The following RHOBTB2 variants were observed in gnomAD, a reference collection of about 807,000 sequenced individuals.
RHOBTB2 encodes the protein rho-related BTB domain-containing protein 2.
RHOBTB2 carries 39 observed loss-of-function variants against 66.5 expected under a neutral mutation model. The observed-to-expected ratio is 0.59, with a 90% CI of 0.45 to 0.77. The LOEUF is 0.77. Among genes scored for constraint, RHOBTB2 ranks in the 30% least tolerant of loss-of-function variants. The pLI, the probability that RHOBTB2 is intolerant of heterozygous loss-of-function variation, is 0.00. For synonymous variants in RHOBTB2, 390 were observed against 395.0 expected (o/e 0.99, Z 0.15); for missense variants, 755 against 999.1 (o/e 0.76, Z 3.29).
Position 23,010,508 on chromosome 8 carries a change from T to C in RHOBTB2, c.1621-30T>C, listed in dbSNP as rs768532154. 7 of 1,601,410 alleles carry C rather than the reference T, an allele frequency of 4.4e-6. No homozygotes were observed. In the South Asian group the frequency reaches 5.6e-5, roughly 13 times the overall value. On this transcript the variant is annotated intron_variant, in intron 6 of 9. Transcript: ENST00000251822. ...TCATCTTCTCCTAAGCAGGATCTCA[T>C]TGCTGTCCGCTCACTCCTTCCCTCC...
At position 23,014,708 on chromosome 8, in the gene RHOBTB2, G is replaced by C. The variant is rs61754072; in HGVS notation, c.1790G>C (p.Gly597Ala). Residue 597 changes from glycine (G) to alanine (A), a missense_variant, in exon 8 of 10, where the codon GGG becomes GCG. Physicochemically the swap from Gly to Ala is moderately conservative, Grantham distance 60. Transcript: ENST00000251822. ...GTTACAGAGCAGTACACAGTGACCG[G>C]GCTGATGGAAGCGACCCAGATGATG... ...VALTEQYTVT[G>A]LMEATQMMVD... 51 of 1,614,006 alleles carry C rather than the reference G, an allele frequency of 3.2e-5. No individual in the cohort carries two copies. The Admixed American group carries it at 4.0e-4, about 13-fold the overall frequency.
At chr8:22,953,978 G>C in the RHOBTB2 span, among the ~76,000 whole-genome samples, 2 of 152,236 alleles carry the variant, frequency 1.3e-5, no homozygotes, top group African/African-American at 2.4e-5. Flanking sequence ...CTATTGTCAT[G>C]TAGGAAGAGC....
the RHOBTB2 span, among the ~76,000 whole-genome samples, chr8:22,971,288 G>A: frequency 6.6e-6 from 1 of 151,926 alleles, no homozygotes; most frequent in Non-Finnish European, 1.5e-5. Context: ...GGGCTCAAGC[G>A]ATTCTCCTAC....
chr8:22,999,558 A>T lies in RHOBTB2; in HGVS notation c.-558A>T. The T allele has an allele frequency of 1.7e-6, 2 of 1,189,042 alleles. No homozygotes were observed. The highest frequency in any genetic ancestry group is 3.0e-5 in the South Asian group (2 of 67,220). 73.7% of individuals were successfully genotyped at this position (1,189,042 alleles called of 1,614,324 possible). A position where few individuals can be genotyped will look rare whatever the true frequency, so the allele number is the denominator to read the frequency against. On this transcript the variant is annotated 5_prime_UTR_variant, in exon 1 of 10. Coordinates refer to ENST00000251822, the MANE Select transcript of RHOBTB2 (RefSeq NM_015178.3). ...CGCGCGGCAGTGGGCGGGGCCCGTC[A>T]CGGCTGTCGTCTTGGGTGCGATTTT...
chr8:22,971,711 G>A, the RHOBTB2 span, among the ~76,000 whole-genome samples: 1 of 152,088 alleles, frequency 6.6e-6, no homozygotes, highest in Non-Finnish European at 1.5e-5. Context: ...GTGTATCTGG[G>A]CCTTTCTGGT....
the RHOBTB2 span, among the ~76,000 whole-genome samples, chr8:22,959,663 C>T: frequency 2.0e-5 from 3 of 152,074 alleles, no homozygotes; most frequent in Admixed American, 1.3e-4. Context: ...CCTAGTTATC[C>T]GCATACTTTT....
Position 23,010,569 on chromosome 8 carries a change from T to G in RHOBTB2, c.1652T>G (p.Met551Arg), listed in dbSNP as rs778715345. Reference sequence around the variant, plus strand: ...TTTCCCTACACAAGCAAGAGCTGCATGCGGGCCGTGCTGGAATACCTCTAC... The same window carrying G: ...TTTCCCTACACAAGCAAGAGCTGCAGGCGGGCCGTGCTGGAATACCTCTAC... ...VVFPYTSKSC[M>R]RAVLEYLYTG... is the part of the protein sequence containing the mutation. Residue 551 changes from methionine to arginine, a missense_variant, in exon 7 of 10, where the codon ATG (methionine) becomes AGG (arginine). This residue lies in a region of RHOBTB2 where 353 missense variants were observed against 458.2 expected (regional missense o/e 0.77). Transcript: ENST00000251822. 2 of 1,614,076 alleles carry G rather than the reference T, an allele frequency of 1.2e-6. No individual in the cohort carries two copies. The highest frequency in any genetic ancestry group is 1.7e-6 in the Non-Finnish European group (2 of 1,179,974).
chr8:22,966,105 C>A, the RHOBTB2 span, among the ~76,000 whole-genome samples: 1 of 152,016 alleles, frequency 6.6e-6, no homozygotes, highest in Admixed American at 6.6e-5. Flanking sequence ...AATCCCAGCA[C>A]TTTGGGAGGC....
In RHOBTB2 at chr8:23,004,448, T is replaced by C; in HGVS notation, c.14T>C (p.Met5Thr). ...AGGTCCCGTTTAATGGATTCTGACATGGATTATGAAAGGCCAAACGTAGAG... is the reference window on the plus strand; with the variant it reads ...AGGTCCCGTTTAATGGATTCTGACACGGATTATGAAAGGCCAAACGTAGAG... MDSD[M>T]DYERPNVETI... Residue 5 changes from methionine (M) to threonine (T), a missense_variant, in exon 2 of 10, where the codon ATG becomes ACG. Around this residue, in one of 7 missense-constraint regions of RHOBTB2, gnomAD observed 65 missense variants for 152.4 expected, o/e 0.43. Transcript: ENST00000251822. The surrounding 1 kb of genome is among the most constrained non-coding windows in gnomAD (Gnocchi z 6.4). The C allele has an allele frequency of 1.2e-6, 2 of 1,614,090 alleles. No homozygotes were observed. Among genetic ancestry groups the C allele is most frequent in the Non-Finnish European group, 1.7e-6 (2 of 1,179,972 alleles).
At chr8:22,956,508 C>T in the RHOBTB2 span, among the ~76,000 whole-genome samples, 1 of 152,266 alleles carries the variant, frequency 6.6e-6, no homozygotes. Context: ...TGCTCACTCC[C>T]CCTTTGCCTT....
At chr8:22,983,150 T>C (rs1309877143), upstream of RHOBTB2, among the ~76,000 whole-genome samples, 1 of 152,150 alleles carries the variant, frequency 6.6e-6, no homozygotes, top group Non-Finnish European at 1.5e-5. Context: ...CCCCAATTAC[T>C]GACACAGGCA....
upstream of RHOBTB2, chr8:22,994,759 T>TA (rs113801401): frequency 1.5e-3 from 1,022 of 690,136 alleles, 4 homozygotes; most frequent in African/African-American, 4.6e-3. Flanking sequence ...TAGACCAACA[T>TA]AAAAAAAAAT....
intron 2 of RHOBTB2, among the ~76,000 whole-genome samples, chr8:22,993,993 C>T (rs1472681699): frequency 6.6e-6 from 1 of 152,240 alleles, no homozygotes; most frequent in Non-Finnish European, 1.5e-5. Flanking sequence ...AATACCTCCT[C>T]CTTCCATTCT....
At chr8:22,979,526 A>T in the RHOBTB2 span, among the ~76,000 whole-genome samples, 2,510 of 152,048 alleles carry the variant, frequency 0.017, 38 homozygotes, top group Non-Finnish European at 0.028. Flanking sequence ...TGGATACGCC[A>T]TTATTTATTG....
chr8:22,985,804 C>T (rs528141888), upstream of RHOBTB2, among the ~76,000 whole-genome samples: 1 of 152,330 alleles, frequency 6.6e-6, no homozygotes, highest in East Asian at 1.9e-4. Context: ...AGCCGTTCCT[C>T]TGCCTGGAGT....
At chr8:22,971,363 T>A in the RHOBTB2 span, among the ~76,000 whole-genome samples, 1 of 143,716 alleles carries the variant, frequency 7.0e-6, no homozygotes. Context: ...TTTTTTTTTT[T>A]AAGTAGAGGT....
Position 23,017,119 on chromosome 8 carries a change from G to A in RHOBTB2, c.1967-133G>A, listed in dbSNP as rs186691899. 38 of 1,166,318 alleles carry A rather than the reference G, an allele frequency of 3.3e-5. 1 individual carries two copies. Among genetic ancestry groups the A allele is most frequent in the African/African-American group, 1.8e-4 (12 of 65,334 alleles). 72.2% of individuals were successfully genotyped at this position (1,166,318 alleles called of 1,614,324 possible). ...TGCTTGCCTCGGAGGCTCATGTGCC[G>A]TGGGTCATGGGGATGTGCTGGGGGC... On this transcript the variant is annotated intron_variant, in intron 9 of 9. Transcript: ENST00000251822. The surrounding 1 kb of genome is among the most constrained non-coding windows in gnomAD (Gnocchi z 5.3).
intron 9 of RHOBTB2, among the ~76,000 whole-genome samples, 182 bp downstream of exon 9, chr8:23,015,925 A>G (rs1181006946): frequency 6.6e-6 from 1 of 152,174 alleles, no homozygotes; most frequent in Admixed American, 6.5e-5. Flanking sequence ...CTGGAGGGCA[A>G]CTCACCCTGC....
intron 3 of RHOBTB2, 26 bp from the exon 4 acceptor site, chr8:23,005,934 C>T: frequency 6.3e-7 from 1 of 1,598,520 alleles, no homozygotes; most frequent in Non-Finnish European, 8.6e-7. Flanking sequence ...GTTTCTCTGC[C>T]CGTAACCTTA....
Sources: gnomAD v4.1 joint callset for allele counts (sites outside exome capture counted in the v4.1 genomes callset) on GRCh38, gnomAD v4.1.1 for gene constraint, gnomAD v4.1.1 regional missense constraint, Gnocchi (gnomAD v3.1) non-coding constraint, MANE v1.5 for transcripts, NCBI Gene and HGNC (gene_info 2026-07-23, HGNC 2026-07-21) for gene names.